The following USH2A variants were observed in gnomAD, a reference collection of about 807,000 sequenced individuals.
USH2A encodes usherin.
USH2A carries 443 observed loss-of-function variants against 538.9 expected under a neutral mutation model. That is an observed-to-expected ratio of 0.82 (90% CI 0.76 to 0.89). USH2A has a LOEUF of 0.89. Ranked by LOEUF, USH2A falls within the 40% of genes least tolerant of loss-of-function variation. The probability of loss-of-function intolerance (pLI) is 0.00; values close to 1 mark genes in which losing one functional copy is unlikely to be tolerated. For synonymous variants in USH2A, 2,413 were observed against 2,273.5 expected (o/e 1.06, Z -1.75); for missense variants, 6,633 against 6,324.8 (o/e 1.05, Z -1.65).
chr1:216,356,595 T>C (rs1414866063), intron 4 of USH2A, among the ~76,000 whole-genome samples: 1 of 152,062 alleles, frequency 6.6e-6, no homozygotes, highest in African/African-American at 2.4e-5. Context: ...ATCTTGTTTG[T>C]TTCATGTAAT....
At chr1:216,139,547 A>C (rs1481838004) in intron 21 of USH2A, among the ~76,000 whole-genome samples, 7 of 152,204 alleles carry the variant, frequency 4.6e-5, no homozygotes, top group African/African-American at 1.7e-4. Flanking sequence ...AATAACAATC[A>C]GTGTTTTATC....
chr1:216,098,010 G>C (rs12096609), intron 21 of USH2A, among the ~76,000 whole-genome samples: 1,862 of 89,962 alleles, frequency 0.021, 68 homozygotes, highest in African/African-American at 0.086. Context: ...TGATGCCTTC[G>C]CCCTACCATT....
intron 38 of USH2A, 57 bp downstream of exon 38, chr1:215,934,559 A>T: frequency 6.4e-7 from 1 of 1,556,526 alleles, no homozygotes; most frequent in Non-Finnish European, 8.8e-7. Flanking sequence ...ATTCAATGGA[A>T]ACTTAATTCT....
intron 30 of USH2A, among the ~76,000 whole-genome samples, chr1:216,061,132 C>A (rs1205505806): frequency 2.0e-5 from 3 of 152,190 alleles, no homozygotes; most frequent in Non-Finnish European, 1.5e-5. Context: ...CCTGAGCGGG[C>A]CTGTTAACCC....
intron 18 of USH2A, 143 bp downstream of exon 18, chr1:216,198,172 A>G (rs2034893521): frequency 7.4e-6 from 9 of 1,209,180 alleles, no homozygotes; most frequent in Admixed American, 2.3e-5. Flanking sequence ...TAACAAATCC[A>G]TATATATGAA....
chr1:216,281,750 T>C (rs549873850), intron 11 of USH2A, among the ~76,000 whole-genome samples: 2 of 152,106 alleles, frequency 1.3e-5, no homozygotes, highest in South Asian at 4.1e-4. Flanking sequence ...CCATCTTTAA[T>C]ATTTTGAGAA....
At chr1:216,160,352 C>A (rs886732269) in intron 21 of USH2A, among the ~76,000 whole-genome samples, 1 of 151,992 alleles carries the variant, frequency 6.6e-6, no homozygotes, top group Admixed American at 6.6e-5. Context: ...GCATTATTAT[C>A]ATTAGATAAA....
Position 216,023,112 on chromosome 1 carries a change from T to A in USH2A, c.6326-22550A>T, listed in dbSNP as rs566197664. Among the ~76,000 whole-genome samples, 93 of 152,222 alleles carry A rather than the reference T, an allele frequency of 6.1e-4. 1 individual carries two copies. The highest frequency in any genetic ancestry group is 1.3e-3 in the Admixed American group (20 of 15,284). ...GGCAGTGAAATACAAATATTAGAAC[T>A]AATGAGACTTATTTGTACATTCAGA... On this transcript the variant is annotated intron_variant, in intron 32 of 71. Transcript: ENST00000307340.
intron 30 of USH2A, among the ~76,000 whole-genome samples, chr1:216,065,540 G>A (rs1216766094): frequency 6.6e-6 from 1 of 152,124 alleles, no homozygotes; most frequent in East Asian, 1.9e-4. Context: ...AGATAAACAT[G>A]TATATTATTC....
At chr1:215,949,135 T>C (rs1040800446) in intron 37 of USH2A, among the ~76,000 whole-genome samples, 2 of 152,050 alleles carry the variant, frequency 1.3e-5, no homozygotes, top group African/African-American at 4.8e-5. Flanking sequence ...AAAAATGGCA[T>C]GTTTTAAAAA....
At chr1:215,944,055 C>A (rs1241492093) in intron 37 of USH2A, among the ~76,000 whole-genome samples, 2 of 152,046 alleles carry the variant, frequency 1.3e-5, no homozygotes, top group Non-Finnish European at 2.9e-5. Context: ...TCAAATGAAT[C>A]ATGAGAAGAT....
At position 215,671,085 on chromosome 1, in the gene USH2A, T is replaced by G. The variant is rs80338904; in HGVS notation, c.14020A>C (p.Arg4674=). 2.5e-6 allele frequency: 4 copies of G among 1,614,068 alleles called. No homozygotes were observed. The highest frequency in any genetic ancestry group is 2.5e-6 in the Non-Finnish European group (3 of 1,180,024). ...NGKVLYYELY[R]RQIATQPRKS... ...CTAGGCTGAGTTGCTATTTGTCTTC[T>G]GTATAATTCGTAATACAAAACTTTT... is the stretch of plus-strand genomic sequence containing the variant. The change falls in exon 64 of 72, where the codon AGA becomes CGA. Residue 4674 remains arginine (R), a synonymous_variant. Coordinates refer to ENST00000307340, the MANE Select transcript of USH2A (RefSeq NM_206933.4).
chr1:216,308,424 C>G (rs954369801), intron 9 of USH2A, among the ~76,000 whole-genome samples: 1 of 151,870 alleles, frequency 6.6e-6, no homozygotes, highest in Non-Finnish European at 1.5e-5. Context: ...TTTTAGTTTA[C>G]TGATAACCAG....
At chr1:216,031,994 C>T (rs1669139828) in intron 32 of USH2A, among the ~76,000 whole-genome samples, 1 of 152,158 alleles carries the variant, frequency 6.6e-6, no homozygotes, top group East Asian at 1.9e-4. Context: ...TGTTGTCACA[C>T]ATGTTACAGA....
chr1:215,634,708 A>G lies in USH2A; in HGVS notation c.15053-5T>C, dbSNP rs1298697182. 1.2e-6 allele frequency: 2 copies of G among 1,614,134 alleles called. No homozygotes were observed. The highest frequency in any genetic ancestry group is 1.7e-6 in the Non-Finnish European group (2 of 1,180,060). ...CAGGAGTTGTTAGGACCAAGCCTGC[A>G]AAACCCAGAGAAAGAAAGGGGAAAT... On this transcript the variant is annotated splice_region_variant and splice_polypyrimidine_tract_variant and intron_variant, in intron 69 of 71. Coordinates refer to ENST00000307340, the MANE Select transcript of USH2A (RefSeq NM_206933.4).
intron 22 of USH2A, among the ~76,000 whole-genome samples, chr1:216,091,413 G>T (rs1274335566): frequency 6.6e-6 from 1 of 152,162 alleles, no homozygotes; most frequent in Admixed American, 6.6e-5. Flanking sequence ...ATTTAATTAA[G>T]TGAAGAATGG....
chr1:215,934,360 A>C (rs188627083), intron 38 of USH2A, among the ~76,000 whole-genome samples: 3 of 151,974 alleles, frequency 2.0e-5, no homozygotes, highest in African/African-American at 7.2e-5. Context: ...GTGTGTGTGT[A>C]TGTGTGTATG....
chr1:215,972,729 T>C (rs1327689023), intron 35 of USH2A, among the ~76,000 whole-genome samples: 1 of 152,190 alleles, frequency 6.6e-6, no homozygotes, highest in Non-Finnish European at 1.5e-5. Context: ...ATTTCCCTTA[T>C]TTCCAAATTT....
chr1:215,921,539 T>C (rs1239557375), intron 38 of USH2A, among the ~76,000 whole-genome samples: 1 of 151,836 alleles, frequency 6.6e-6, no homozygotes, highest in Non-Finnish European at 1.5e-5. Flanking sequence ...TACTATAGAG[T>C]CAAGTCACCT....
Sources: gnomAD v4.1 joint callset for allele counts (sites outside exome capture counted in the v4.1 genomes callset) on GRCh38, gnomAD v4.1.1 for gene constraint, MANE v1.5 for transcripts, NCBI Gene and HGNC (gene_info 2026-07-23, HGNC 2026-07-21) for gene names.